FGF13: variants seen among roughly 807,000 people sequenced by gnomAD.
FGF13 encodes fibroblast growth factor 13, also known as fibroblast growth factor homologous factor 2.
Under a neutral mutation model 19.5 loss-of-function variants are expected in FGF13, and 2 were observed. The ratio of observed to expected loss-of-function variants is 0.10; its 90% CI spans 0.04 to 0.32. The LOEUF is 0.32. Ranked by LOEUF, FGF13 falls within the 10% of genes least tolerant of loss-of-function variation. The probability of loss-of-function intolerance (pLI) is 1.00; values close to 1 mark genes in which losing one functional copy is unlikely to be tolerated. For missense variants in FGF13, 113 were observed against 192.7 expected (o/e 0.59, Z 2.45); for synonymous variants, 72 against 76.9 (o/e 0.94, Z 0.33).
chrX:138,698,622 G>C (rs927358702), intron 3 of FGF13, among the ~76,000 whole-genome samples: 1 of 111,397 alleles, frequency 9.0e-6, no homozygotes, highest in African/African-American at 3.3e-5. Flanking sequence ...GCATTAGCTG[G>C]GGAGCTTTCG....
At chrX:138,793,499 ACCTAGTAAATGC>A (rs1257433955) in intron 3 of FGF13, among the ~76,000 whole-genome samples, 16 of 111,628 alleles carry the variant, frequency 1.4e-4, no homozygotes, top group Non-Finnish European at 1.9e-5. Flanking sequence ...GGCAGTCAGG[ACCTAGTAAATGC>A]CCTGTGATTG....
chrX:139,203,908 C>T (rs1157152159), upstream of FGF13: 4 of 551,709 alleles, frequency 7.3e-6, no homozygotes, highest in Non-Finnish European at 1.2e-5. Flanking sequence ...CCCTAGCGAC[C>T]TCTGCCCCCC....
intron 1 of FGF13, among the ~76,000 whole-genome samples, chrX:139,152,467 G>C (rs1168778414): frequency 9.1e-6 from 1 of 109,859 alleles, no homozygotes; most frequent in African/African-American, 3.3e-5. Context: ...TCTGGTTCTA[G>C]AGCCCGATCA....
intron 3 of FGF13, among the ~76,000 whole-genome samples, chrX:138,691,545 T>G (rs572424018): frequency 2.7e-5 from 3 of 112,302 alleles, no homozygotes; most frequent in African/African-American, 9.7e-5. Context: ...CACATCTCTT[T>G]CTATCAGACA....
intron 1 of FGF13, among the ~76,000 whole-genome samples, chrX:139,071,939 C>T (rs757564162): frequency 1.0e-5 from 1 of 97,789 alleles, no homozygotes; most frequent in Non-Finnish European, 2.0e-5. Flanking sequence ...TCACTTGAAC[C>T]CAGGAGGTGG....
intron 3 of FGF13, among the ~76,000 whole-genome samples, chrX:138,841,538 A>G (rs1338170373): frequency 2.7e-5 from 3 of 110,492 alleles, no homozygotes; most frequent in Non-Finnish European, 5.7e-5. Context: ...TTATATATAT[A>G]TAAGGATATG....
chrX:139,182,746 C>T (rs762913309), intron 1 of FGF13, among the ~76,000 whole-genome samples: 5 of 111,721 alleles, frequency 4.5e-5, no homozygotes, highest in South Asian at 3.8e-4. Context: ...GATAAAAGGC[C>T]GTGTTTTTTG....
intron 1 of FGF13, among the ~76,000 whole-genome samples, chrX:138,970,256 A>G (rs1390343416): frequency 9.0e-6 from 1 of 111,654 alleles, no homozygotes; most frequent in Admixed American, 9.5e-5. Flanking sequence ...TGTCTGGCAC[A>G]TGGTTGGCAC....
intron 1 of FGF13, among the ~76,000 whole-genome samples, chrX:138,998,849 C>A (rs2092057643): frequency 8.9e-6 from 1 of 111,784 alleles, no homozygotes; most frequent in African/African-American, 3.3e-5. Context: ...TAGAAATCTA[C>A]AGAACTCTCC....
intron 1 of FGF13, among the ~76,000 whole-genome samples, chrX:139,033,125 G>A (rs1344835851): frequency 9.3e-6 from 1 of 107,719 alleles, no homozygotes; most frequent in Non-Finnish European, 1.9e-5. Context: ...AGCTCTGTGA[G>A]GAAACTCCTA....
At position 138,868,773 on chromosome X, in the gene FGF13, C is replaced by T. The variant is rs749206233; in HGVS notation, c.-112-4123G>A. On this transcript the variant is annotated intron_variant, in intron 1 of 2. Coordinates refer to the FGF13 transcript ENST00000421460. ...CCCTGCACTATGCATCATCACTATC[C>T]CCTTCACACTTTTATTTGGTGTTTG... Among the ~76,000 whole-genome samples, 4 of 110,451 alleles carry T rather than the reference C, an allele frequency of 3.6e-5. No homozygotes were observed. In the South Asian group the frequency reaches 1.6e-3, roughly 44 times the overall value.
At position 138,623,426 on chromosome X, in the gene FGF13, AAATC is replaced by A. The variant is rs2089030457; in HGVS notation, c.*9420_*9423del. The A allele has an allele frequency of 9.0e-6, 1 of 111,338 alleles. No homozygotes were observed. Among genetic ancestry groups the A allele is most frequent in the Non-Finnish European group, 1.9e-5 (1 of 53,095 alleles). The allele number at this position is 111,338 out of a possible 1,213,427, so 9.2% of individuals were successfully genotyped here. A position where few individuals can be genotyped will look rare whatever the true frequency, so the allele number is the denominator to read the frequency against. On this transcript the variant is annotated 3_prime_UTR_variant, in exon 5 of 5. Coordinates refer to ENST00000315930, the MANE Select transcript of FGF13 (RefSeq NM_004114.5). ...GGTGGAATTCACCAATGTTGATACA[AAATC>A]AACATAAAAAATCAGTTGTTTCTGT...
At chrX:138,661,061 T>C (rs1042967514) in intron 3 of FGF13, among the ~76,000 whole-genome samples, 4 of 111,687 alleles carry the variant, frequency 3.6e-5, no homozygotes, top group African/African-American at 1.3e-4. Flanking sequence ...AGAAATCTAC[T>C]ACCACTACTC....
intron 3 of FGF13, among the ~76,000 whole-genome samples, chrX:138,767,129 TGA>T (rs1366259998): frequency 9.0e-6 from 1 of 111,061 alleles, no homozygotes; most frequent in African/African-American, 3.3e-5. Flanking sequence ...TGATGTGAGG[TGA>T]GAGGGGACCA....
intron 1 of FGF13, among the ~76,000 whole-genome samples, chrX:138,922,191 A>C (rs925007152): frequency 1.1e-4 from 12 of 111,139 alleles, no homozygotes; most frequent in African/African-American, 3.9e-4. Context: ...GGGGATTTCT[A>C]ACTAATATCC....
intron 3 of FGF13, among the ~76,000 whole-genome samples, chrX:138,648,651 G>A (rs939369691): frequency 7.2e-5 from 8 of 111,081 alleles, no homozygotes; most frequent in Non-Finnish European, 1.5e-4. Context: ...CCTGAAAAAT[G>A]ACTTGCAGTT....
At chrX:138,777,142 C>G (rs773143288) in intron 3 of FGF13, among the ~76,000 whole-genome samples, 1 of 111,527 alleles carries the variant, frequency 9.0e-6, no homozygotes, top group African/African-American at 3.3e-5. Context: ...TTTACTGGAT[C>G]AAATGGTAAT....
At chrX:138,979,889 C>G (rs557467276) in intron 1 of FGF13, among the ~76,000 whole-genome samples, 2 of 111,665 alleles carry the variant, frequency 1.8e-5, no homozygotes, top group Admixed American at 1.9e-4. Flanking sequence ...AAACAGAAAG[C>G]CAGTCTGAGT....
intron 3 of FGF13, among the ~76,000 whole-genome samples, chrX:138,812,982 A>G (rs373504851): frequency 2.7e-5 from 3 of 111,767 alleles, no homozygotes; most frequent in African/African-American, 9.8e-5. Context: ...GTTTGCTGAG[A>G]ATGATGGCTT....
Sources: allele counts gnomAD v4.1 joint callset (sites outside exome capture counted in the v4.1 genomes callset), GRCh38; gene constraint gnomAD v4.1.1; transcripts MANE v1.5; gene names NCBI Gene and HGNC (gene_info 2026-07-23, HGNC 2026-07-21).